The following MTMR7 variants were observed in gnomAD, a reference collection of about 807,000 sequenced individuals.
MTMR7 encodes the protein phosphatidylinositol-3-phosphate phosphatase MTMR7.
MTMR7 carries 76 observed loss-of-function variants against 81.2 expected under a neutral mutation model. That is an observed-to-expected ratio of 0.94 (90% CI 0.78 to 1.13). MTMR7 has a LOEUF of 1.13. Ranked by LOEUF, MTMR7 falls within the 50% of genes most tolerant of loss-of-function variation. The probability of loss-of-function intolerance (pLI) is 0.00; values close to 1 mark genes in which losing one functional copy is unlikely to be tolerated. For missense variants in MTMR7, 1,044 were observed against 820.0 expected, an observed-to-expected ratio of 1.27 and a Z score of -3.34; for synonymous variants, 372 against 289.8, an observed-to-expected ratio of 1.28 and a Z score of -2.88.
chr8:17,363,935 CT>C (rs34907644), intron 3 of MTMR7, among the ~76,000 whole-genome samples: 27,975 of 128,780 alleles, frequency 0.22, 2,995 homozygotes, highest in East Asian at 0.4. Context: ...CTTGACAATC[CT>C]TTTTTTTTTT....
chr8:17,349,711 G>A (rs564734872), intron 4 of MTMR7, among the ~76,000 whole-genome samples: 30 of 152,092 alleles, frequency 2.0e-4, no homozygotes, highest in African/African-American at 6.3e-4. Flanking sequence ...AGATTACCGC[G>A]CAATGTAACA....
At chr8:17,316,505 G>C (rs1818081971) in intron 7 of MTMR7, among the ~76,000 whole-genome samples, 1 of 149,962 alleles carries the variant, frequency 6.7e-6, no homozygotes, top group Non-Finnish European at 1.5e-5. Flanking sequence ...CTTGTGGAAA[G>C]TCTCCCTGTA....
chr8:17,328,152 C>T (rs1818787734), intron 7 of MTMR7, among the ~76,000 whole-genome samples: 1 of 152,154 alleles, frequency 6.6e-6, no homozygotes. Context: ...CAAAAGATGG[C>T]AAGTTGATTG....
At chr8:17,342,975 T>C (rs1374461473) in intron 5 of MTMR7, among the ~76,000 whole-genome samples, 1 of 152,000 alleles carries the variant, frequency 6.6e-6, no homozygotes, top group Non-Finnish European at 1.5e-5. Context: ...GCAAGCTATG[T>C]CCGAAGACCA....
chr8:17,355,180 C>T lies in MTMR7; in HGVS notation c.468+5937G>A, dbSNP rs543669713. On this transcript the variant is annotated intron_variant, in intron 4 of 13. Coordinates refer to ENST00000180173, the MANE Select transcript of MTMR7 (RefSeq NM_004686.5). The stretch of plus-strand genomic sequence containing the variant: ...GGTTCAGTCTCATTTTCTTCCTTGC[C>T]CAAGGATGTGTCATATTAACAAAAA... Among the ~76,000 whole-genome samples the T allele has an allele frequency of 4.5e-4, 69 of 152,162 alleles. 1 individual carries two copies. Among genetic ancestry groups the T allele is most frequent in the Admixed American group, 1.1e-3 (17 of 15,278 alleles).
At chr8:17,319,130 A>T (rs1335386808) in intron 7 of MTMR7, among the ~76,000 whole-genome samples, 1 of 152,242 alleles carries the variant, frequency 6.6e-6, no homozygotes, top group African/African-American at 2.4e-5. Flanking sequence ...CATGGGCAAT[A>T]GCACGTAGCA....
At chr8:17,397,533 G>C (rs894991301) in intron 1 of MTMR7, among the ~76,000 whole-genome samples, 3 of 152,146 alleles carry the variant, frequency 2.0e-5, no homozygotes, top group African/African-American at 7.2e-5. Context: ...CTTGTGTTTT[G>C]AGGGCCAGCT....
At chr8:17,370,438 T>G (rs969776017) in intron 3 of MTMR7, among the ~76,000 whole-genome samples, 1 of 150,776 alleles carries the variant, frequency 6.6e-6, no homozygotes, top group African/African-American at 2.4e-5. Context: ...GAGAATCGCT[T>G]GAACCCAGGA....
At chr8:17,401,975 G>A (rs926706350) in intron 1 of MTMR7, among the ~76,000 whole-genome samples, 5 of 151,880 alleles carry the variant, frequency 3.3e-5, no homozygotes, top group African/African-American at 4.8e-5. Flanking sequence ...TATTTTATAG[G>A]GTTATTTTTT....
chr8:17,395,752 T>C (rs1005562878), intron 1 of MTMR7, among the ~76,000 whole-genome samples: 1 of 152,230 alleles, frequency 6.6e-6, no homozygotes, highest in Non-Finnish European at 1.5e-5. Context: ...TCAAGTCCTT[T>C]GCCCACTGTT....
At chr8:17,313,529 A>C in intron 7 of MTMR7, 128 bp from the exon 8 acceptor site, 1 of 579,362 alleles carries the variant, frequency 1.7e-6, no homozygotes, top group Non-Finnish European at 3.0e-6. Context: ...GCAAGCCTTA[A>C]GTCAAAATAA....
chr8:17,407,246 G>A (rs542643313), intron 1 of MTMR7, among the ~76,000 whole-genome samples: 1 of 151,580 alleles, frequency 6.6e-6, no homozygotes, highest in African/African-American at 2.4e-5. Flanking sequence ...CATATTTTTG[G>A]AAAAACTTCA....
chr8:17,326,830 T>A lies in MTMR7; in HGVS notation c.865+4320A>T, dbSNP rs563079025. On this transcript the variant is annotated intron_variant, in intron 7 of 13. Coordinates refer to ENST00000180173, the MANE Select transcript of MTMR7 (RefSeq NM_004686.5). ...CTAAGAGGGTCCCTGAGTTCCAATT[T>A]ATGCTTGAGAAACATCCAGACTCCT... Among the ~76,000 whole-genome samples the A allele has an allele frequency of 1.3e-4, 20 of 152,308 alleles. No homozygotes were observed. In the South Asian group the frequency reaches 4.1e-3, roughly 32 times the overall value.
At chr8:17,363,756 C>G (rs367874305) in intron 3 of MTMR7, among the ~76,000 whole-genome samples, 2 of 152,208 alleles carry the variant, frequency 1.3e-5, no homozygotes, top group Admixed American at 6.5e-5. Context: ...AGCCTGCAGA[C>G]TCTGCCTACT....
chr8:17,390,180 G>A (rs114957803), intron 1 of MTMR7, among the ~76,000 whole-genome samples: 5,909 of 151,992 alleles, frequency 0.039, 358 homozygotes, highest in African/African-American at 0.13. Context: ...TAATCGGCTC[G>A]TGGTTCTGCA....
chr8:17,352,015 T>C (rs1280163083), intron 4 of MTMR7, among the ~76,000 whole-genome samples: 2 of 152,162 alleles, frequency 1.3e-5, no homozygotes, highest in Admixed American at 6.5e-5. Context: ...TGTGAAGATG[T>C]CCATCCTACA....
chr8:17,409,834 G>A (rs940993003), intron 1 of MTMR7, among the ~76,000 whole-genome samples: 1 of 152,142 alleles, frequency 6.6e-6, no homozygotes, highest in Non-Finnish European at 1.5e-5. Flanking sequence ...GAGAACTAAC[G>A]TCCCCCAGAT....
At position 17,405,835 on chromosome 8, in the gene MTMR7, TACACACACACACACACACACACAC is replaced by T. The variant is rs36233628; in HGVS notation, c.24+7410_24+7433del. The stretch of plus-strand genomic sequence containing the variant: ...AACAGGTTCTCATTCCCCAAAACTA[TACACACACACACACACACACACAC>T]ACACACACACACACACACACCACAG... On this transcript the variant is annotated intron_variant, in intron 1 of 13. Transcript: ENST00000180173. 3.8e-4 allele frequency among the ~76,000 whole-genome samples: 46 copies of T among 121,070 alleles called. 1 individual carries two copies. The highest frequency in any genetic ancestry group is 1.1e-3 in the African/African-American group (43 of 38,746). 79.4% of individuals were successfully genotyped at this position (121,070 alleles called of 152,430 possible).
intron 6 of MTMR7, 75 bp from the exon 7 acceptor site, chr8:17,331,357 T>C: frequency 6.9e-7 from 1 of 1,438,850 alleles, no homozygotes; most frequent in Non-Finnish European, 9.3e-7. Context: ...AAACATTTCA[T>C]GGATACCCAA....
Sources: allele counts gnomAD v4.1 joint callset (sites outside exome capture counted in the v4.1 genomes callset), GRCh38; gene constraint gnomAD v4.1.1; transcripts MANE v1.5; gene names NCBI Gene and HGNC (gene_info 2026-07-23, HGNC 2026-07-21).